Variants in LRMDA observed in about 807,000 individuals in gnomAD.
LRMDA encodes the protein leucine rich melanocyte differentiation associated, also known as leucine-rich melanocyte differentiation-associated protein.
A neutral mutation model predicts 29.8 loss-of-function variants in LRMDA; 18 were observed. The ratio of observed to expected loss-of-function variants is 0.60; its 90% CI spans 0.42 to 0.90. The LOEUF is 0.90. Ranked by LOEUF, LRMDA falls within the 40% of genes least tolerant of loss-of-function variation. The pLI, the probability that LRMDA is intolerant of heterozygous loss-of-function variation, is 0.00. For synonymous variants in LRMDA, 125 were observed against 109.4 expected, an observed-to-expected ratio of 1.14 and a Z score of -0.89; for missense variants, 273 against 273.9, an observed-to-expected ratio of 1.00 and a Z score of 0.02.
At chr10:75,896,731 G>T (rs368206330) in intron 2 of LRMDA, among the ~76,000 whole-genome samples, 1 of 152,074 alleles carries the variant, frequency 6.6e-6, no homozygotes, top group African/African-American at 2.4e-5. Flanking sequence ...CAGCCTCCTC[G>T]TTTAATATTT....
intron 2 of LRMDA, among the ~76,000 whole-genome samples, chr10:75,824,743 C>T (rs982608264): frequency 6.6e-6 from 1 of 152,164 alleles, no homozygotes; most frequent in Admixed American, 6.5e-5. Context: ...GACTGGAGAG[C>T]CAGCATATTG....
At chr10:76,453,669 A>G (rs1021579923) in intron 6 of LRMDA, among the ~76,000 whole-genome samples, 10 of 152,190 alleles carry the variant, frequency 6.6e-5, no homozygotes, top group Admixed American at 6.5e-4. Flanking sequence ...GCATTCATAT[A>G]TTTTTCCTGT....
At chr10:75,728,423 GCT>G (rs1224439610) in intron 2 of LRMDA, among the ~76,000 whole-genome samples, 1 of 134,932 alleles carries the variant, frequency 7.4e-6, no homozygotes, top group Non-Finnish European at 1.6e-5. Context: ...TTGATACGTG[GCT>G]CTGTGTGTGT....
chr10:75,846,646 G>A (rs913372289), intron 2 of LRMDA, among the ~76,000 whole-genome samples: 1 of 152,034 alleles, frequency 6.6e-6, no homozygotes, highest in South Asian at 2.1e-4. Context: ...CAAATGTTAT[G>A]TGCAAAGCAC....
In LRMDA at chr10:76,452,848, T is replaced by G. The variant is rs566470523; in HGVS notation, c.602-104361T>G. ...AAACTCATATTTATCAAATAACCAC[T>G]ACATGTGATGGAGTTATATCCTAGG... On this transcript the variant is annotated intron_variant, in intron 6 of 6. Coordinates refer to ENST00000611255, the MANE Select transcript of LRMDA (RefSeq NM_001305581.2). Among the ~76,000 whole-genome samples, 7 of 152,340 alleles carry G rather than the reference T, an allele frequency of 4.6e-5. 1 individual carries two copies. In the South Asian group the frequency reaches 1.4e-3, roughly 32 times the overall value.
intron 2 of LRMDA, among the ~76,000 whole-genome samples, chr10:75,517,706 T>C (rs1246357158): frequency 6.6e-6 from 1 of 152,192 alleles, no homozygotes; most frequent in Non-Finnish European, 1.5e-5. Flanking sequence ...TTCTCTTGCC[T>C]GATAGCCCTG....
chr10:76,138,651 T>C (rs1850141619), intron 5 of LRMDA, among the ~76,000 whole-genome samples: 1 of 152,174 alleles, frequency 6.6e-6, no homozygotes, highest in Non-Finnish European at 1.5e-5. Flanking sequence ...ATACATCAAA[T>C]GTATTGTTTT....
intron 5 of LRMDA, among the ~76,000 whole-genome samples, chr10:76,218,038 C>T (rs1191580825): frequency 6.6e-6 from 1 of 152,310 alleles, no homozygotes; most frequent in Non-Finnish European, 1.5e-5. Flanking sequence ...CCTGCGTACC[C>T]TGTAGTTTTT....
chr10:76,478,659 A>G (rs1016570435), intron 6 of LRMDA, among the ~76,000 whole-genome samples: 9 of 152,142 alleles, frequency 5.9e-5, no homozygotes, highest in Non-Finnish European at 1.3e-4. Context: ...AATGTCCAAC[A>G]ATGATAGACT....
intron 2 of LRMDA, among the ~76,000 whole-genome samples, chr10:75,607,147 G>A (rs1385701791): frequency 2.6e-5 from 4 of 152,164 alleles, no homozygotes; most frequent in African/African-American, 9.7e-5. Flanking sequence ...AAAATACTTG[G>A]CATTTTATTA....
chr10:75,514,717 C>T (rs561007566), intron 2 of LRMDA, among the ~76,000 whole-genome samples: 19 of 152,320 alleles, frequency 1.2e-4, no homozygotes, highest in African/African-American at 4.3e-4. Flanking sequence ...CCCTCCTTCG[C>T]CTTCTGCTAG....
At chr10:75,844,968 G>A (rs1052458562) in intron 2 of LRMDA, among the ~76,000 whole-genome samples, 2 of 152,162 alleles carry the variant, frequency 1.3e-5, no homozygotes, top group Admixed American at 6.5e-5. Flanking sequence ...CATTGGTTGT[G>A]AACATACCAT....
intron 2 of LRMDA, among the ~76,000 whole-genome samples, chr10:76,016,598 C>T (rs1050379565): frequency 4.6e-5 from 7 of 152,190 alleles, no homozygotes; most frequent in Non-Finnish European, 2.9e-5. Context: ...AAAAGGAACA[C>T]ACCTTTATTG....
intron 6 of LRMDA, among the ~76,000 whole-genome samples, chr10:76,412,779 A>C (rs1841976535): frequency 6.6e-6 from 1 of 152,162 alleles, no homozygotes; most frequent in South Asian, 2.1e-4. Flanking sequence ...GCCTGAAAAC[A>C]CCATTCCTGC....
At chr10:76,428,264 C>G (rs750862580) in intron 6 of LRMDA, among the ~76,000 whole-genome samples, 1 of 151,982 alleles carries the variant, frequency 6.6e-6, no homozygotes, top group Non-Finnish European at 1.5e-5. Context: ...GAGGAGCCAG[C>G]CTGTCTTGGA....
At chr10:76,377,381 T>TG (rs1487470967) in intron 6 of LRMDA, among the ~76,000 whole-genome samples, 1 of 152,234 alleles carries the variant, frequency 6.6e-6, no homozygotes, top group East Asian at 1.9e-4. Flanking sequence ...TTCTTTGCTA[T>TG]GCAGAAGCTT....
At chr10:75,484,678 A>T (rs982533295) in intron 2 of LRMDA, among the ~76,000 whole-genome samples, 8 of 152,212 alleles carry the variant, frequency 5.3e-5, no homozygotes, top group African/African-American at 1.9e-4. Flanking sequence ...CCTTAATCCA[A>T]TAGGACTAGT....
intron 6 of LRMDA, among the ~76,000 whole-genome samples, chr10:76,532,294 T>C (rs1469115754): frequency 6.6e-6 from 1 of 152,204 alleles, no homozygotes; most frequent in African/African-American, 2.4e-5. Flanking sequence ...CTTTTAATCA[T>C]TGTGGCCATC....
chr10:76,307,633 G>A (rs1840574408), intron 5 of LRMDA, among the ~76,000 whole-genome samples: 1 of 152,146 alleles, frequency 6.6e-6, no homozygotes. Context: ...CATGGGTGAG[G>A]AGATTCTTTC....
Sources: gnomAD v4.1 joint callset for allele counts (sites outside exome capture counted in the v4.1 genomes callset) on GRCh38, gnomAD v4.1.1 for gene constraint, MANE v1.5 for transcripts, NCBI Gene and HGNC (gene_info 2026-07-23, HGNC 2026-07-21) for gene names.